Variants in FBXO10 observed in about 807,000 individuals in gnomAD.
FBXO10 encodes the protein F-box protein 10.
A neutral mutation model predicts 80.7 loss-of-function variants in FBXO10; 39 were observed. That is an observed-to-expected ratio of 0.48 (90% CI 0.37 to 0.63). The LOEUF (loss-of-function observed/expected upper bound fraction) is 0.63. Among genes scored for constraint, FBXO10 ranks in the 30% least tolerant of loss-of-function variants. FBXO10 has a pLI of 0.00. For missense variants in FBXO10, 1,025 were observed against 1,269.0 expected, an observed-to-expected ratio of 0.81 and a Z score of 2.92; for synonymous variants, 449 against 489.6, an observed-to-expected ratio of 0.92 and a Z score of 1.09.
Position 37,519,878 on chromosome 9 carries a change from C to T in FBXO10, c.2201-1440G>A, listed in dbSNP as rs1424873718. The stretch of plus-strand genomic sequence containing the variant: ...TATTGCCCAGGCAGTAGTGCAGTGG[C>T]ACCATCATAGCTCACTGCAACCTCG... On this transcript the variant is annotated intron_variant, in intron 8 of 10. Transcript: ENST00000432825. 1.0e-4 allele frequency among the ~76,000 whole-genome samples: 15 copies of T among 149,706 alleles called. No homozygotes were observed. The Admixed American group carries it at 1.0e-3, about 10-fold the overall frequency.
intron 1 of FBXO10, among the ~76,000 whole-genome samples, chr9:37,570,107 C>T (rs895700662): frequency 1.1e-4 from 16 of 152,060 alleles, no homozygotes; most frequent in African/African-American, 3.1e-4. Flanking sequence ...GTAAGGAGTT[C>T]GAGACCCGCC....
intron 1 of FBXO10, among the ~76,000 whole-genome samples, chr9:37,569,114 C>T (rs929319973): frequency 6.6e-6 from 1 of 151,814 alleles, no homozygotes; most frequent in Non-Finnish European, 1.5e-5. Context: ...TATAAGTTTT[C>T]CCAGGGTTTA....
intron 1 of FBXO10, among the ~76,000 whole-genome samples, chr9:37,557,692 C>T (rs1480187486): frequency 1.3e-5 from 2 of 152,212 alleles, no homozygotes; most frequent in African/African-American, 4.8e-5. Flanking sequence ...ATCTCCCTCC[C>T]ACATAACAGC....
chr9:37,569,395 CAA>C lies in FBXO10; in HGVS notation c.-7+6814_-7+6815del, dbSNP rs35292200. Among the ~76,000 whole-genome samples the C allele has an allele frequency of 7.2e-3, 892 of 123,090 alleles. 7 individuals carry two copies. The highest frequency in any genetic ancestry group is 0.023 in the African/African-American group (690 of 30,424). The allele number at this position is 123,090 out of a possible 152,430, so 80.8% of individuals were successfully genotyped here. A position where few individuals can be genotyped will look rare whatever the true frequency, so the allele number is the denominator to read the frequency against. ...ATAATACGGCCTTACAGATATAAAG[CAA>C]AAAAAAAAAAAAAAATTAAAAGATG... On this transcript the variant is annotated intron_variant, in intron 1 of 10. Coordinates refer to ENST00000432825, the MANE Select transcript of FBXO10 (RefSeq NM_012166.3).
At chr9:37,565,082 A>G (rs548956589) in intron 1 of FBXO10, among the ~76,000 whole-genome samples, 1 of 152,254 alleles carries the variant, frequency 6.6e-6, no homozygotes, top group African/African-American at 2.4e-5. Context: ...TGTTCTCGTG[A>G]TAGTGAGTCC....
intron 9 of FBXO10, 29 bp downstream of exon 9, chr9:37,518,096 A>G: frequency 6.3e-7 from 1 of 1,585,656 alleles, no homozygotes; most frequent in Non-Finnish European, 8.6e-7. Flanking sequence ...TGTGGGCACC[A>G]CACGTCACAC....
intron 1 of FBXO10, among the ~76,000 whole-genome samples, chr9:37,567,233 C>G (rs1188841335): frequency 2.0e-5 from 3 of 150,910 alleles, no homozygotes; most frequent in Non-Finnish European, 4.4e-5. Context: ...GCCTCAATCT[C>G]CTGGGCTCAA....
chr9:37,547,135 T>C (rs1259726199), intron 1 of FBXO10, among the ~76,000 whole-genome samples: 4 of 152,316 alleles, frequency 2.6e-5, no homozygotes, highest in African/African-American at 9.6e-5. Context: ...AGCAGCTGTA[T>C]TCATAATAGT....
At chr9:37,558,494 G>A (rs1360463889) in intron 1 of FBXO10, among the ~76,000 whole-genome samples, 2 of 152,150 alleles carry the variant, frequency 1.3e-5, no homozygotes, top group Admixed American at 6.5e-5. Context: ...TTCTCTCCCA[G>A]ATGGGTTTCC....
intron 1 of FBXO10, among the ~76,000 whole-genome samples, chr9:37,564,621 G>C (rs1449964355): frequency 1.3e-5 from 2 of 152,262 alleles, no homozygotes; most frequent in Non-Finnish European, 2.9e-5. Flanking sequence ...AGTCAAAGGA[G>C]ATCATTTTGG....
chr9:37,552,970 T>C (rs117215210), intron 1 of FBXO10, among the ~76,000 whole-genome samples: 8,594 of 151,922 alleles, frequency 0.057, 300 homozygotes, highest in South Asian at 0.14. Flanking sequence ...TACATACATT[T>C]TGGGGGGGAC....
At chr9:37,526,859 T>TTATTTATC (rs942946674) in intron 5 of FBXO10, among the ~76,000 whole-genome samples, 6 of 148,968 alleles carry the variant, frequency 4.0e-5, no homozygotes, top group African/African-American at 1.3e-4. Context: ...ATTTATTTAT[T>TTATTTATC]TATTTATTGA....
rs765674651 is a variant in FBXO10 at position 37,525,171 on chromosome 9, C to T, written c.1708G>A (p.Gly570Arg). The T allele has an allele frequency of 2.9e-4, 450 of 1,560,706 alleles. No individual in the cohort carries two copies. The highest frequency in any genetic ancestry group is 3.6e-4 in the Non-Finnish European group (415 of 1,152,250). The change falls in exon 6 of 11, where the codon GGG becomes AGG. Residue 570 changes from glycine (G) to arginine (R), a missense_variant and splice_region_variant. Coordinates refer to ENST00000432825, the MANE Select transcript of FBXO10 (RefSeq NM_012166.3). The stretch of plus-strand genomic sequence containing the variant: ...GCACGGCCCTTGAAGATGTGGTTCC[C>T]GCTAAAGTGGAAGGAAAACAAAACA... ...ILYHGNPVVS[G>R]NHIFKGRAAG...
rs371297395 is a variant in FBXO10, at chr9:37,541,200, G to A, written c.569C>T (p.Ser190Leu). Residue 190 changes from serine (S) to leucine (L), a missense_variant, in exon 2 of 11, where the codon TCA becomes TTA. Physicochemically the swap from Ser to Leu is moderately radical, Grantham distance 145 (BLOSUM62 -2). Around this residue, in one of 3 missense-constraint regions of FBXO10, gnomAD observed 450 missense variants for 499.4 expected, o/e 0.90. Transcript: ENST00000432825. ...CNLVFTPAWFSPIMYKTTSGH... is the reference protein window; with the variant it reads ...CNLVFTPAWFLPIMYKTTSGH... ...GATACCCACCTTATACATGATGGGTGAGAACCAGGCTGGCGTGAAGACGAG... is the reference window on the plus strand; with the variant it reads ...GATACCCACCTTATACATGATGGGTAAGAACCAGGCTGGCGTGAAGACGAG... 10 of 1,604,430 alleles carry A rather than the reference G, an allele frequency of 6.2e-6. No individual in the cohort carries two copies. The Admixed American group carries it at 6.7e-5, about 11-fold the overall frequency.
chr9:37,521,381 C>T lies in FBXO10; in HGVS notation c.2200+188G>A, dbSNP rs532657939. Among the ~76,000 whole-genome samples the T allele has an allele frequency of 4.6e-5, 7 of 152,322 alleles. No individual in the cohort carries two copies. In the East Asian group the frequency reaches 1.3e-3, roughly 29 times the overall value. Reference sequence around the variant, plus strand: ...AGTGAGGAGCGCCTCTGCCTGGCCGCTGTGCAACCCTCCAAGTGTGAAGTG... The same window carrying T: ...AGTGAGGAGCGCCTCTGCCTGGCCGTTGTGCAACCCTCCAAGTGTGAAGTG... On this transcript the variant is annotated intron_variant, in intron 8 of 10. Transcript: ENST00000432825.
rs541060303 is a variant in FBXO10 at position 37,512,655 on chromosome 9, G to C, written c.2763C>G (p.Pro921=). The change falls in exon 11 of 11, where the codon CCC becomes CCG. Residue 921 remains proline (P), a synonymous_variant. Transcript: ENST00000432825. The stretch of plus-strand genomic sequence containing the variant: ...CCTTCTGCCCATTGTGGGCTGCCGA[G>C]GGACGTCTGAGAGAATTTTCAAGGT... ...RPHLENSLRR[P]SAAHNGQKVT... is the part of the protein sequence containing the mutation. 1 of 1,613,878 alleles carries C rather than the reference G, an allele frequency of 6.2e-7. No homozygotes were observed. The highest frequency in any genetic ancestry group is 1.3e-5 in the African/African-American group (1 of 74,926).
chr9:37,539,379 C>G (rs1172137514), intron 2 of FBXO10, among the ~76,000 whole-genome samples: 1 of 152,160 alleles, frequency 6.6e-6, no homozygotes, highest in Non-Finnish European at 1.5e-5. Context: ...TCAGGCAAAG[C>G]CATCCCAGGC....
chr9:37,569,292 A>T (rs1238276360), intron 1 of FBXO10, among the ~76,000 whole-genome samples: 4 of 151,856 alleles, frequency 2.6e-5, no homozygotes, highest in African/African-American at 9.7e-5. Flanking sequence ...CAAAAAAGGC[A>T]GCTTCATAAT....
chr9:37,553,916 CAA>C (rs71494669), intron 1 of FBXO10, among the ~76,000 whole-genome samples: 4 of 64,332 alleles, frequency 6.2e-5, no homozygotes, highest in African/African-American at 2.0e-4. Context: ...AAGTCTGCCT[CAA>C]AAAAAAAAAA....
Sources: allele counts gnomAD v4.1 joint callset (sites outside exome capture counted in the v4.1 genomes callset), GRCh38; gene constraint gnomAD v4.1.1; regional missense constraint gnomAD v4.1.1; transcripts MANE v1.5; gene names NCBI Gene and HGNC (gene_info 2026-07-23, HGNC 2026-07-21).